CFH: variants seen among roughly 807,000 people sequenced by gnomAD.
The protein encoded by CFH is complement factor H.
In CFH, 53 loss-of-function variants were observed where a neutral mutation model predicts 147.3. The observed-to-expected ratio is 0.36, with a 90% CI of 0.29 to 0.45. The LOEUF (loss-of-function observed/expected upper bound fraction) is 0.45. Among genes scored for constraint, CFH ranks in the 20% least tolerant of loss-of-function variants. The probability of loss-of-function intolerance (pLI) is 1.00; values close to 1 mark genes in which losing one functional copy is unlikely to be tolerated. For synonymous variants in CFH, 536 were observed against 489.4 expected, an observed-to-expected ratio of 1.10 and a Z score of -1.26; for missense variants, 1,380 against 1,498.0, an observed-to-expected ratio of 0.92 and a Z score of 1.30.
At chr1:196,696,101 C>T (rs756778642) in intron 9 of CFH, among the ~76,000 whole-genome samples, 3 of 152,074 alleles carry the variant, frequency 2.0e-5, no homozygotes, top group Non-Finnish European at 4.4e-5. Context: ...TTGAACTCAA[C>T]TCTGGACCAA....
intron 16 of CFH, among the ~76,000 whole-genome samples, chr1:196,737,223 C>G (rs1431875528): frequency 6.6e-6 from 1 of 152,088 alleles, no homozygotes; most frequent in African/African-American, 2.4e-5. Flanking sequence ...TGTCAGATAA[C>G]ATTTCCATTC....
intron 21 of CFH, 136 bp downstream of exon 21, chr1:196,746,135 A>G: frequency 6.6e-7 from 1 of 1,526,390 alleles, no homozygotes; most frequent in African/African-American, 1.4e-5. Context: ...TTCTGTCAGA[A>G]AGTAAAGTTT....
At chr1:196,657,394 G>A (rs1182983383) in intron 1 of CFH, among the ~76,000 whole-genome samples, 1 of 152,054 alleles carries the variant, frequency 6.6e-6, no homozygotes, top group Non-Finnish European at 1.5e-5. Flanking sequence ...TGAACTTCAG[G>A]GGTCTGCTTA....
chr1:196,740,816 T>C lies in CFH; in HGVS notation c.2956+24T>C, dbSNP rs537015849. The stretch of plus-strand genomic sequence containing the variant: ...AAGTATGGTGCATTGAATTTTATTA[T>C]ATGTATGATAAATATTCTTCATTCA... On this transcript the variant is annotated intron_variant, in intron 18 of 21. Transcript: ENST00000367429. 41 of 1,604,952 alleles carry C rather than the reference T, an allele frequency of 2.6e-5. 1 individual carries two copies. In the South Asian group the frequency reaches 4.4e-4, roughly 17 times the overall value.
At chr1:196,688,470 G>C (rs946450525) in intron 7 of CFH, among the ~76,000 whole-genome samples, 1 of 152,042 alleles carries the variant, frequency 6.6e-6, no homozygotes, top group Non-Finnish European at 1.5e-5. Flanking sequence ...ATACAGACTG[G>C]AGAACTTGGC....
rs763445550 is a variant in CFH at position 196,747,241 on chromosome 1, A to T, written c.3624A>T (p.Ser1208=). The change falls in exon 22 of 22, where the codon TCA becomes TCT. Residue 1208 remains serine (S), a synonymous_variant. Transcript: ENST00000367429. ...TGTGTAAACGGGGATATCGTCTTTC[A>T]TCACGTTCTCACACATTGCGAACAA... ...EFVCKRGYRL[S]SRSHTLRTTC... is the part of the protein sequence containing the mutation. 4 of 1,614,040 alleles carry T rather than the reference A, an allele frequency of 2.5e-6. No homozygotes were observed. The highest frequency in any genetic ancestry group is 1.7e-4 in the Middle Eastern group (1 of 6,058).
At chr1:196,695,726 C>CT (rs1284765023) in intron 9 of CFH, among the ~76,000 whole-genome samples, 1 of 152,032 alleles carries the variant, frequency 6.6e-6, no homozygotes, top group Admixed American at 6.6e-5. Flanking sequence ...CTTCGCATCC[C>CT]TTGTAAGTTG....
chr1:196,690,853 G>T (rs550152617), intron 9 of CFH, among the ~76,000 whole-genome samples: 32 of 152,170 alleles, frequency 2.1e-4, no homozygotes, highest in South Asian at 4.2e-4. Flanking sequence ...TGGGATCTTT[G>T]CCTGGCCAGC....
intron 9 of CFH, among the ~76,000 whole-genome samples, chr1:196,692,816 TTCTTTC>T (rs1558163837): frequency 1.4e-5 from 1 of 72,398 alleles, no homozygotes; most frequent in Non-Finnish European, 3.0e-5. Context: ...CTTTCTTTCT[TTCTTTC>T]TCTTTCCTTC....
intron 6 of CFH, 136 bp downstream of exon 6, chr1:196,679,929 A>T (rs923480274): frequency 1.2e-6 from 1 of 822,520 alleles, no homozygotes; most frequent in Non-Finnish European, 1.9e-6. Flanking sequence ...AACATATAGC[A>T]TTTTCTGTGT....
intron 6 of CFH, among the ~76,000 whole-genome samples, chr1:196,681,824 C>T (rs1667668629): frequency 6.6e-6 from 1 of 151,622 alleles, no homozygotes; most frequent in Non-Finnish European, 1.5e-5. Flanking sequence ...TCTTTGTATG[C>T]CAACTAATAT....
chr1:196,657,131 T>G (rs1269530447), intron 1 of CFH, among the ~76,000 whole-genome samples: 4 of 151,952 alleles, frequency 2.6e-5, no homozygotes, highest in African/African-American at 4.8e-5. Context: ...CTAGCTAAAT[T>G]TTTTTCTTTT....
chr1:196,675,975 T>C lies in CFH; in HGVS notation c.351-14T>C, dbSNP rs771558168. The C allele has an allele frequency of 1.9e-6, 3 of 1,578,654 alleles. No homozygotes were observed. Among genetic ancestry groups the C allele is most frequent in the South Asian group, 1.1e-5 (1 of 90,084 alleles). ...ACACATTATGTCAACGTTCTGTTAT[T>C]TTTTGGTTTTCAGGTATCAATTGCT... is the stretch of plus-strand genomic sequence containing the variant. On this transcript the variant is annotated splice_polypyrimidine_tract_variant and intron_variant, in intron 3 of 21. Transcript: ENST00000367429.
intron 15 of CFH, among the ~76,000 whole-genome samples, chr1:196,735,859 G>A (rs1335969944): frequency 6.6e-6 from 1 of 151,976 alleles, no homozygotes; most frequent in African/African-American, 2.4e-5. Flanking sequence ...AACCTTTAAT[G>A]AAGTTTTGTT....
At chr1:196,694,279 G>C (rs940039192) in intron 9 of CFH, among the ~76,000 whole-genome samples, 2 of 152,144 alleles carry the variant, frequency 1.3e-5, no homozygotes, top group Non-Finnish European at 2.9e-5. Context: ...TCCTGTGTTA[G>C]TTTGCTGAAG....
intron 1 of CFH, among the ~76,000 whole-genome samples, chr1:196,652,653 C>A (rs1055058758): frequency 1.3e-4 from 19 of 151,396 alleles, no homozygotes; most frequent in African/African-American, 4.6e-4. Flanking sequence ...TTGTCATGAC[C>A]TTAGAATTCT....
chr1:196,665,226 C>T (rs1316157320), intron 1 of CFH, among the ~76,000 whole-genome samples: 1 of 151,530 alleles, frequency 6.6e-6, no homozygotes, highest in Non-Finnish European at 1.5e-5. Flanking sequence ...ATTTTCTCCA[C>T]ATTTTGTATA....
chr1:196,740,999 A>G, intron 18 of CFH: 1 of 575,734 alleles, frequency 1.7e-6, no homozygotes, highest in South Asian at 2.0e-5. Flanking sequence ...TCTTGTGTGA[A>G]CTTTAAGCAT....
At chr1:196,666,361 C>T (rs1047711892) in intron 1 of CFH, among the ~76,000 whole-genome samples, 1 of 151,944 alleles carries the variant, frequency 6.6e-6, no homozygotes, top group Non-Finnish European at 1.5e-5. Flanking sequence ...CTAATTCATT[C>T]GAGTTATATT....
Sources: gnomAD v4.1 joint callset for allele counts (sites outside exome capture counted in the v4.1 genomes callset) on GRCh38, gnomAD v4.1.1 for gene constraint, MANE v1.5 for transcripts, NCBI Gene and HGNC (gene_info 2026-07-23, HGNC 2026-07-21) for gene names.